The following RARB variants were observed in gnomAD, a reference collection of about 807,000 sequenced individuals.
The protein encoded by RARB is retinoic acid receptor beta.
RARB carries 17 observed loss-of-function variants against 51.9 expected under a neutral mutation model. That is an observed-to-expected ratio of 0.33 (90% confidence interval 0.22 to 0.49). The LOEUF is 0.49. RARB is among the 20% of genes least tolerant of loss of function. The pLI is 0.99. For missense variants in RARB, 369 were observed against 550.8 expected, an observed-to-expected ratio of 0.67 and a Z score of 3.30; for synonymous variants, 215 against 195.4, an observed-to-expected ratio of 1.10 and a Z score of -0.84.
At chr3:24,891,092 A>G (rs1703369213) in intron 2 of RARB, among the ~76,000 whole-genome samples, 1 of 152,234 alleles carries the variant, frequency 6.6e-6, no homozygotes, top group Non-Finnish European at 1.5e-5. Flanking sequence ...TGAACAACGC[A>G]GCCCATAGCA....
intron 2 of RARB, among the ~76,000 whole-genome samples, chr3:25,020,727 C>T (rs1011820214): frequency 6.6e-6 from 1 of 151,924 alleles, no homozygotes. Context: ...CCATAAACAC[C>T]TATAGAATGA....
At chr3:25,331,536 A>G (rs9859796) in intron 5 of RARB, among the ~76,000 whole-genome samples, 21,566 of 152,178 alleles carry the variant, frequency 0.14, 1,717 homozygotes, top group African/African-American at 0.21. Flanking sequence ...GTGTGTAGAG[A>G]GAAATTTATA....
chr3:25,445,470 G>T (rs1454791700), intron 1 of RARB, among the ~76,000 whole-genome samples: 1 of 152,056 alleles, frequency 6.6e-6, no homozygotes, highest in Admixed American at 6.6e-5. Context: ...TTCAAGACCA[G>T]CCTGGCCAAC....
intron 1 of RARB, among the ~76,000 whole-genome samples, chr3:25,451,391 T>C (rs1709187610): frequency 1.3e-5 from 2 of 152,180 alleles, no homozygotes; most frequent in African/African-American, 4.8e-5. Flanking sequence ...CACTTTCCCG[T>C]CACCTCCTCC....
chr3:25,028,788 T>A (rs1017589295), intron 2 of RARB, among the ~76,000 whole-genome samples: 2 of 152,166 alleles, frequency 1.3e-5, no homozygotes, highest in African/African-American at 4.8e-5. Context: ...CTTGTAACTT[T>A]CTGGAAAAGC....
intron 5 of RARB, among the ~76,000 whole-genome samples, chr3:25,255,673 A>G (rs992398394): frequency 2.6e-5 from 4 of 152,118 alleles, no homozygotes; most frequent in Admixed American, 6.5e-5. Context: ...TTGATTGTAG[A>G]GAGACTTTGC....
intron 5 of RARB, among the ~76,000 whole-genome samples, chr3:25,315,800 G>A (rs1559354582): frequency 6.6e-6 from 1 of 151,152 alleles, no homozygotes; most frequent in East Asian, 1.9e-4. Context: ...TTTATTTTTA[G>A]TAGAGAGGGG....
intron 5 of RARB, among the ~76,000 whole-genome samples, chr3:25,586,282 A>G (rs1221443958): frequency 1.3e-5 from 2 of 151,838 alleles, no homozygotes; most frequent in Admixed American, 6.6e-5. Flanking sequence ...CCTCCCTCAC[A>G]CTGCAGGTCT....
intron 1 of RARB, among the ~76,000 whole-genome samples, chr3:25,460,033 G>T (rs1461394002): frequency 2.0e-4 from 30 of 152,120 alleles, no homozygotes; most frequent in Admixed American, 6.5e-5. Flanking sequence ...GAATTTGGGT[G>T]GTTAGATAAC....
At chr3:25,189,742 C>T (rs1014299196) in intron 5 of RARB, among the ~76,000 whole-genome samples, 3 of 151,892 alleles carry the variant, frequency 2.0e-5, no homozygotes, top group South Asian at 4.1e-4. Context: ...AAAAATTAGC[C>T]GGCATGGTGG....
chr3:25,199,892 G>A (rs1354965081), intron 5 of RARB, among the ~76,000 whole-genome samples: 2 of 152,116 alleles, frequency 1.3e-5, no homozygotes, highest in African/African-American at 4.8e-5. Flanking sequence ...TGTGAATAGT[G>A]CCACAATAAA....
At chr3:25,299,887 A>G (rs981732875) in intron 5 of RARB, among the ~76,000 whole-genome samples, 12 of 152,362 alleles carry the variant, frequency 7.9e-5, no homozygotes, top group African/African-American at 2.4e-4. Context: ...CTGACTGTGG[A>G]AAAGTCAAAT....
intron 2 of RARB, among the ~76,000 whole-genome samples, chr3:24,913,679 C>G (rs546080452): frequency 2.0e-5 from 3 of 152,076 alleles, no homozygotes; most frequent in African/African-American, 7.2e-5. Flanking sequence ...AATGATAACA[C>G]TCATCTGAGT....
At chr3:24,933,276 C>A (rs1246182401) in intron 2 of RARB, among the ~76,000 whole-genome samples, 1 of 147,524 alleles carries the variant, frequency 6.8e-6, no homozygotes, top group African/African-American at 2.5e-5. Flanking sequence ...CTATATTTCA[C>A]TATACATTTT....
intron 2 of RARB, among the ~76,000 whole-genome samples, chr3:24,950,813 G>A (rs139273594): frequency 1.8e-4 from 27 of 152,176 alleles, no homozygotes; most frequent in Admixed American, 1.6e-3. Flanking sequence ...AAAGCATAAT[G>A]TAGTGCAGTA....
intron 3 of RARB, among the ~76,000 whole-genome samples, chr3:25,558,277 C>T (rs1559466761): frequency 6.6e-6 from 1 of 152,172 alleles, no homozygotes; most frequent in Non-Finnish European, 1.5e-5. Flanking sequence ...CCTTATTGCT[C>T]TGCTACAAAT....
At chr3:24,952,525 C>T (rs897307642) in intron 2 of RARB, among the ~76,000 whole-genome samples, 3 of 152,144 alleles carry the variant, frequency 2.0e-5, no homozygotes, top group Non-Finnish European at 1.5e-5. Flanking sequence ...ATGACTTAAC[C>T]CTTTGTCTAG....
intron 3 of RARB, among the ~76,000 whole-genome samples, chr3:25,071,351 C>T (rs1698762171): frequency 6.6e-6 from 1 of 152,158 alleles, no homozygotes; most frequent in Non-Finnish European, 1.5e-5. Context: ...TATAAACATG[C>T]CATGATACTT....
Position 25,056,491 on chromosome 3 carries a change from C to A in RARB, c.-379-3634C>A, listed in dbSNP as rs1603976. On this transcript the variant is annotated intron_variant, in intron 2 of 11. Transcript: ENST00000383772. Reference sequence around the variant, plus strand: ...ATATTGTTTGGACAATTACAGAAAACTTTCTAGAATACAGAAAGCAAATAT... The same window carrying A: ...ATATTGTTTGGACAATTACAGAAAAATTTCTAGAATACAGAAAGCAAATAT... Among the ~76,000 whole-genome samples, 508 of 152,192 alleles carry A rather than the reference C, an allele frequency of 3.3e-3. 9 individuals carry two copies. The East Asian group carries it at 0.044, about 13-fold the overall frequency.
Sources: allele counts gnomAD v4.1 joint callset (sites outside exome capture counted in the v4.1 genomes callset), GRCh38; gene constraint gnomAD v4.1.1; transcripts MANE v1.5; gene names NCBI Gene and HGNC (gene_info 2026-07-23, HGNC 2026-07-21).